The following ATP8A2 variants were observed in gnomAD, a reference collection of about 807,000 sequenced individuals.
ATP8A2 encodes the protein ATPase phospholipid transporting 8A2, also known as phospholipid-transporting ATPase IB.
In ATP8A2, 100 loss-of-function variants were observed where a neutral mutation model predicts 165.6. The observed-to-expected ratio is 0.60, with a 90% CI of 0.51 to 0.71. ATP8A2 has a LOEUF of 0.71. Among genes scored for constraint, ATP8A2 ranks in the 30% least tolerant of loss-of-function variants. The pLI is 0.00. For missense variants in ATP8A2, 1,227 were observed against 1,479.5 expected, an observed-to-expected ratio of 0.83 and a Z score of 2.80; for synonymous variants, 543 against 548.8, an observed-to-expected ratio of 0.99 and a Z score of 0.15.
At chr13:25,512,746 A>T (rs751052537) in intron 2 of ATP8A2, among the ~76,000 whole-genome samples, 4 of 98,014 alleles carry the variant, frequency 4.1e-5, no homozygotes, top group Non-Finnish European at 8.2e-5. Context: ...GACCCCCCCC[A>T]CCTCCCTCCC....
chr13:25,859,202 AAAAACAAAAC>A (rs538198944), intron 30 of ATP8A2, among the ~76,000 whole-genome samples: 37 of 151,936 alleles, frequency 2.4e-4, no homozygotes, highest in South Asian at 6.3e-4. Flanking sequence ...ACTCTGTCTC[AAAAACAAAAC>A]AAAACAAAAC....
Position 25,837,208 on chromosome 13 carries a change from T to C in ATP8A2, c.2800T>C (p.Ser934Pro), listed in dbSNP as rs1472178608. 6.2e-7 allele frequency: 1 copy of C among 1,613,932 alleles called. No homozygotes were observed. Among genetic ancestry groups the C allele is most frequent in the Admixed American group, 1.7e-5 (1 of 59,994 alleles). The stretch of plus-strand genomic sequence containing the variant: ...CTTCACTCTGGGAATCTTTGAGAGG[T>C]CTTGCACTCAGGAGAGCATGCTCAG... Reference protein sequence around the residue: ...PPFTLGIFERSCTQESMLRFP... With the variant: ...PPFTLGIFERPCTQESMLRFP... Residue 934 changes from serine to proline, a missense_variant, in exon 29 of 37, where the codon TCT becomes CCT. Around this residue, in one of 5 missense-constraint regions of ATP8A2, gnomAD observed 592 missense variants for 785.6 expected, o/e 0.75. Transcript: ENST00000381655.
intron 27 of ATP8A2, among the ~76,000 whole-genome samples, chr13:25,819,537 G>T (rs1365139718): frequency 2.0e-5 from 3 of 151,782 alleles, no homozygotes; most frequent in Non-Finnish European, 4.4e-5. Context: ...TCAATCTCAT[G>T]CTGTTTCTTG....
At position 25,953,574 on chromosome 13, in the gene ATP8A2, T is replaced by C. The variant is rs370305033; in HGVS notation, c.3184-8001T>C. On this transcript the variant is annotated intron_variant, in intron 33 of 36. Coordinates refer to ENST00000381655, the MANE Select transcript of ATP8A2 (RefSeq NM_016529.6). The surrounding 1 kb of genome is among the most constrained non-coding windows in gnomAD (Gnocchi z 6.7). ...AAGGGAAATAGGCAAGACGGCCAAA[T>C]AGGAACAGCTCCAGTCTGTAGCTCC... 0.035 allele frequency among the ~76,000 whole-genome samples: 4,029 copies of C among 114,132 alleles called. 103 individuals carry two copies. The highest frequency in any genetic ancestry group is 0.069 in the Middle Eastern group (12 of 174). 74.9% of individuals were successfully genotyped at this position (114,132 alleles called of 152,430 possible).
At chr13:26,006,325 A>G (rs1216394450) in intron 35 of ATP8A2, among the ~76,000 whole-genome samples, 1 of 151,922 alleles carries the variant, frequency 6.6e-6, no homozygotes, top group Non-Finnish European at 1.5e-5. Flanking sequence ...CATTGCTATT[A>G]TATTTGTATA....
intron 1 of ATP8A2, among the ~76,000 whole-genome samples, chr13:25,445,561 TA>T (rs1029063579): frequency 6.6e-6 from 1 of 152,216 alleles, no homozygotes; most frequent in Non-Finnish European, 1.5e-5. Flanking sequence ...TATTGATTTT[TA>T]AAAAAAATTT....
intron 33 of ATP8A2, among the ~76,000 whole-genome samples, chr13:25,918,464 G>A (rs1954331904): frequency 6.6e-6 from 1 of 152,254 alleles, no homozygotes; most frequent in Admixed American, 6.5e-5. Context: ...CAAGAAAAAA[G>A]CCAACGTGGT....
intron 24 of ATP8A2, among the ~76,000 whole-genome samples, chr13:25,612,537 CTTG>C (rs1183207046): frequency 6.6e-6 from 1 of 152,046 alleles, no homozygotes; most frequent in Non-Finnish European, 1.5e-5. Flanking sequence ...TTTACTGATA[CTTG>C]TTTTGTGGCC....
In ATP8A2 at chr13:25,738,350, C is replaced by CCA. The variant is rs1202875563; in HGVS notation, c.2385-30688_2385-30687dup. On this transcript the variant is annotated intron_variant, in intron 25 of 36. Transcript: ENST00000381655. ...CTTTTTGTGCCCCCCTCCCCCCCCC[C>CCA]CACACACACTTCTTCTGGTAGTTGC... Among the ~76,000 whole-genome samples, 30 of 97,858 alleles carry CCA rather than the reference C, an allele frequency of 3.1e-4. No homozygotes were observed. In the South Asian group the frequency reaches 3.6e-3, roughly 12 times the overall value. The allele number at this position is 97,858 out of a possible 152,430, so 64.2% of individuals were successfully genotyped here.
At chr13:25,499,033 C>A (rs192158048) in intron 2 of ATP8A2, among the ~76,000 whole-genome samples, 1 of 152,320 alleles carries the variant, frequency 6.6e-6, no homozygotes, top group East Asian at 1.9e-4. Flanking sequence ...AACTGAGATT[C>A]CTTATATTTG....
chr13:25,849,776 T>G (rs1340834614), intron 30 of ATP8A2, among the ~76,000 whole-genome samples: 1 of 152,200 alleles, frequency 6.6e-6, no homozygotes, highest in Non-Finnish European at 1.5e-5. Context: ...AAGAACAGAC[T>G]CACCTGCTGC....
intron 25 of ATP8A2, among the ~76,000 whole-genome samples, chr13:25,737,978 C>G (rs908738161): frequency 6.6e-6 from 1 of 152,206 alleles, no homozygotes; most frequent in Admixed American, 6.5e-5. Flanking sequence ...GCCATCACAC[C>G]CAGCCAAACT....
At position 26,019,984 on chromosome 13, in the gene ATP8A2, A is replaced by C; in HGVS notation, c.3566A>C (p.Ter1189SerextTer7). Residue 1189 changes from the stop codon to serine (S), a stop_lost, in exon 37 of 37, where the codon TAA (stop) becomes TCA (serine). Transcript: ENST00000381655. ...ACCAAAAAGAAATCCAGGAAGAAAT[A>C]AGACATGAATTTTCCTGACTGATCT... ...DTTKKKSRKK[*>S] The C allele has an allele frequency of 1.2e-6, 2 of 1,606,976 alleles. No individual in the cohort carries two copies. The highest frequency in any genetic ancestry group is 8.5e-7 in the Non-Finnish European group (1 of 1,173,412).
intron 33 of ATP8A2, among the ~76,000 whole-genome samples, chr13:25,910,756 A>G (rs931769042): frequency 6.6e-6 from 1 of 152,146 alleles, no homozygotes; most frequent in African/African-American, 2.4e-5. Context: ...TCCATGTATT[A>G]ATACATTAAT....
chr13:25,772,565 C>G (rs1015215539), intron 26 of ATP8A2, among the ~76,000 whole-genome samples: 3 of 152,024 alleles, frequency 2.0e-5, no homozygotes, highest in Non-Finnish European at 4.4e-5. Flanking sequence ...CCCGCGCCTT[C>G]CCCTCACCTC....
intron 30 of ATP8A2, among the ~76,000 whole-genome samples, chr13:25,852,322 G>A (rs1265441945): frequency 6.6e-6 from 1 of 152,142 alleles, no homozygotes; most frequent in Non-Finnish European, 1.5e-5. Context: ...CGATGCACAG[G>A]TCAGCCCCCA....
At chr13:25,860,707 G>T in intron 31 of ATP8A2, 97 bp from the exon 32 acceptor site, 1 of 937,174 alleles carries the variant, frequency 1.1e-6, no homozygotes, top group Middle Eastern at 3.2e-4. Flanking sequence ...CTGCCTTGGG[G>T]AAGCTAGTTC....
chr13:25,855,408 A>G (rs537457493), intron 30 of ATP8A2, among the ~76,000 whole-genome samples: 17 of 152,302 alleles, frequency 1.1e-4, no homozygotes, highest in Admixed American at 7.2e-4. Context: ...TTCACTTAGC[A>G]TAAGGTTTTC....
chr13:25,550,281 G>C (rs1370458069), intron 10 of ATP8A2, among the ~76,000 whole-genome samples: 1 of 152,088 alleles, frequency 6.6e-6, no homozygotes, highest in African/African-American at 2.4e-5. Flanking sequence ...CTCCAGCCTG[G>C]GTGAGAGAGT....
Sources: allele counts gnomAD v4.1 joint callset (sites outside exome capture counted in the v4.1 genomes callset), GRCh38; gene constraint gnomAD v4.1.1; regional missense constraint gnomAD v4.1.1; non-coding constraint Gnocchi (gnomAD v3.1); transcripts MANE v1.5; gene names NCBI Gene and HGNC (gene_info 2026-07-23, HGNC 2026-07-21).